NXPH1: variants seen among roughly 807,000 people sequenced by gnomAD.
NXPH1 encodes neurexophilin-1.
NXPH1 carries 5 observed loss-of-function variants against 23.7 expected under a neutral mutation model. The ratio of observed to expected loss-of-function variants is 0.21; its 90% CI spans 0.11 to 0.44. NXPH1 has a LOEUF of 0.44. Among genes scored for constraint, NXPH1 ranks in the 20% least tolerant of loss-of-function variants. The pLI is 0.99. For synonymous variants in NXPH1, 144 were observed against 122.2 expected, an observed-to-expected ratio of 1.18 and a Z score of -1.18; for missense variants, 324 against 321.6, an observed-to-expected ratio of 1.01 and a Z score of -0.06.
rs115549160 is a variant in NXPH1 at position 8,597,733 on chromosome 7, G to T, written c.55-153275G>T. 7.0e-3 allele frequency among the ~76,000 whole-genome samples: 999 copies of T among 142,304 alleles called. 8 individuals are homozygous for T. The highest frequency in any genetic ancestry group is 0.024 in the African/African-American group (947 of 39,904). The allele number at this position is 142,304 out of a possible 152,430, so 93.4% of individuals were successfully genotyped here. On this transcript the variant is annotated intron_variant, in intron 2 of 2. Transcript: ENST00000405863. ...GGGGGGCGGGGGGGCAGTGTGGGGA[G>T]CAGTAGCTATCACCTTTCTACTTGG...
At chr7:8,736,095 A>AT (rs1198779903) in intron 2 of NXPH1, among the ~76,000 whole-genome samples, 3 of 151,974 alleles carry the variant, frequency 2.0e-5, no homozygotes, top group Non-Finnish European at 4.4e-5. Context: ...GGATTCATTG[A>AT]TTTTTTGAAG....
intron 2 of NXPH1, among the ~76,000 whole-genome samples, chr7:8,702,093 T>A (rs10268349): frequency 1.3e-5 from 2 of 151,544 alleles, no homozygotes; most frequent in African/African-American, 4.8e-5. Context: ...TTATGTTGAT[T>A]TAGTTTTAAT....
rs532232310 is a variant in NXPH1, at chr7:8,645,636, T to C, written c.55-105372T>C. ...TTTACTTCTTCTAATGTTTTCATCA[T>C]GGTTTGGGCTTTTTGTATCTTTTAA... On this transcript the variant is annotated intron_variant, in intron 2 of 2. Transcript: ENST00000405863. Among the ~76,000 whole-genome samples the C allele has an allele frequency of 1.2e-4, 18 of 152,172 alleles. 1 individual carries two copies. The East Asian group carries it at 3.5e-3, about 29-fold the overall frequency.
chr7:8,749,791 G>T (rs1316415290), intron 2 of NXPH1, among the ~76,000 whole-genome samples: 1 of 152,160 alleles, frequency 6.6e-6, no homozygotes, highest in East Asian at 1.9e-4. Flanking sequence ...TCCGCATATT[G>T]AATGGTTTAC....
intron 2 of NXPH1, among the ~76,000 whole-genome samples, chr7:8,662,796 A>G (rs757825973): frequency 7.9e-5 from 12 of 152,050 alleles, no homozygotes; most frequent in Admixed American, 3.9e-4. Flanking sequence ...AAAAAGCCAT[A>G]GTTTGTGATA....
rs1381293043 is a variant in NXPH1, at chr7:8,442,789, G to T, written c.54+7022G>T. 6.6e-6 allele frequency among the ~76,000 whole-genome samples: 1 copy of T among 152,124 alleles called. No individual in the cohort carries two copies. Among genetic ancestry groups the T allele is most frequent in the Non-Finnish European group, 1.5e-5 (1 of 68,018 alleles). ...GGAAACACAGATGCAGCCCTCTCGC[G>T]TCCGGAGCCCAAGTCCCCATGCAAA... On this transcript the variant is annotated intron_variant, in intron 2 of 2. Transcript: ENST00000405863. This position sits in a 1 kb window ranked among gnomAD's most constrained non-coding sequence, Gnocchi z 4.6.
chr7:8,648,960 C>T (rs557450313), intron 2 of NXPH1, among the ~76,000 whole-genome samples: 56 of 149,620 alleles, frequency 3.7e-4, no homozygotes, highest in South Asian at 3.2e-3. Context: ...ACTCTTTTTC[C>T]AATGTAATCA....
At chr7:8,589,869 T>G (rs1819056220) in intron 2 of NXPH1, among the ~76,000 whole-genome samples, 1 of 152,008 alleles carries the variant, frequency 6.6e-6, no homozygotes. Context: ...ATCCAATAGA[T>G]AGCCACTAGC....
intron 2 of NXPH1, among the ~76,000 whole-genome samples, chr7:8,533,071 T>A (rs1817973527): frequency 1.3e-5 from 2 of 152,122 alleles, no homozygotes; most frequent in Admixed American, 6.6e-5. Context: ...TATACTTATT[T>A]TATAGTTGAG....
chr7:8,651,178 T>G (rs1820486741), intron 2 of NXPH1, among the ~76,000 whole-genome samples: 1 of 146,728 alleles, frequency 6.8e-6, no homozygotes, highest in Admixed American at 7.0e-5. Flanking sequence ...TGTGTCCATG[T>G]GTTCTCATTG....
At chr7:8,438,225 G>A (rs1816229795) in intron 2 of NXPH1, among the ~76,000 whole-genome samples, 1 of 152,182 alleles carries the variant, frequency 6.6e-6, no homozygotes, top group Non-Finnish European at 1.5e-5. Context: ...ATCAAGAAGT[G>A]ATCAAGGCTT....
At chr7:8,729,128 G>C (rs962496526) in intron 2 of NXPH1, among the ~76,000 whole-genome samples, 1 of 152,092 alleles carries the variant, frequency 6.6e-6, no homozygotes, top group East Asian at 1.9e-4. Flanking sequence ...TATTTGCATA[G>C]AGGTGTTTAT....
intron 2 of NXPH1, among the ~76,000 whole-genome samples, chr7:8,572,082 C>A (rs1022136758): frequency 6.6e-6 from 1 of 151,856 alleles, no homozygotes; most frequent in Non-Finnish European, 1.5e-5. Context: ...CCAGTTAAAT[C>A]TGAATCTTAG....
At chr7:8,579,602 C>T (rs904016772) in intron 2 of NXPH1, among the ~76,000 whole-genome samples, 1 of 152,162 alleles carries the variant, frequency 6.6e-6, no homozygotes, top group Non-Finnish European at 1.5e-5. Flanking sequence ...AAACTCCTGA[C>T]CTCAGATGAT....
At chr7:8,604,916 A>C (rs1426085073) in intron 2 of NXPH1, among the ~76,000 whole-genome samples, 1 of 152,166 alleles carries the variant, frequency 6.6e-6, no homozygotes, top group Non-Finnish European at 1.5e-5. Context: ...AGTACTTCCA[A>C]ATAATTTATA....
chr7:8,688,641 A>G (rs1329467791), intron 2 of NXPH1, among the ~76,000 whole-genome samples: 1 of 152,178 alleles, frequency 6.6e-6, no homozygotes, highest in African/African-American at 2.4e-5. Flanking sequence ...AATTAGACAC[A>G]TGTATGTGTC....
In NXPH1 at chr7:8,496,539, A is replaced by G. The variant is rs185166866; in HGVS notation, c.54+60772A>G. On this transcript the variant is annotated intron_variant, in intron 2 of 2. Transcript: ENST00000405863. ...CTGCCCAAGTCTTTAATTGGAGTCA[A>G]TAAGAGACAAAAGAGAATTGTGTCA... Among the ~76,000 whole-genome samples the G allele has an allele frequency of 1.4e-4, 21 of 152,154 alleles. No homozygotes were observed. In the East Asian group the frequency reaches 3.3e-3, roughly 24 times the overall value.
intron 2 of NXPH1, among the ~76,000 whole-genome samples, chr7:8,750,095 A>C (rs1304347994): frequency 6.6e-6 from 1 of 152,254 alleles, no homozygotes; most frequent in Non-Finnish European, 1.5e-5. Flanking sequence ...ACTTAAAGTC[A>C]CGTTCCTAGA....
intron 2 of NXPH1, among the ~76,000 whole-genome samples, chr7:8,527,306 A>T (rs940101502): frequency 2.0e-5 from 3 of 152,154 alleles, no homozygotes; most frequent in African/African-American, 7.2e-5. Flanking sequence ...ACTCCAGAGG[A>T]TGAAATTCTG....
Sources: gnomAD v4.1 joint callset for allele counts (sites outside exome capture counted in the v4.1 genomes callset) on GRCh38, gnomAD v4.1.1 for gene constraint, Gnocchi (gnomAD v3.1) non-coding constraint, MANE v1.5 for transcripts, NCBI Gene and HGNC (gene_info 2026-07-23, HGNC 2026-07-21) for gene names.